The following FLT1 variants were observed in gnomAD, a reference collection of about 807,000 sequenced individuals.
FLT1 encodes vascular endothelial growth factor receptor 1.
A neutral mutation model predicts 156.3 loss-of-function variants in FLT1; 49 were observed. That is an observed-to-expected ratio of 0.31 (90% confidence interval 0.25 to 0.40). The LOEUF is 0.40. Among genes scored for constraint, FLT1 ranks in the 10% least tolerant of loss-of-function variants. FLT1 has a pLI of 1.00. For synonymous variants in FLT1, 594 were observed against 583.8 expected (o/e 1.02, Z -0.25); for missense variants, 1,322 against 1,637.2 (o/e 0.81, Z 3.32).
At chr13:28,423,601 G>A (rs1033288025) in intron 10 of FLT1, among the ~76,000 whole-genome samples, 4 of 152,168 alleles carry the variant, frequency 2.6e-5, no homozygotes, top group African/African-American at 9.7e-5. Context: ...TGCTAGCAAT[G>A]ATTACAACCT....
At chr13:28,438,453 C>T (rs1878156629) in intron 3 of FLT1, 108 bp from the exon 4 acceptor site, 1 of 835,100 alleles carries the variant, frequency 1.2e-6, no homozygotes, top group African/African-American at 1.7e-5. Context: ...TCACGTCATT[C>T]TCCCTTAATG....
intron 17 of FLT1, among the ~76,000 whole-genome samples, chr13:28,337,011 G>T (rs1872144616): frequency 6.6e-6 from 1 of 152,098 alleles, no homozygotes; most frequent in Non-Finnish European, 1.5e-5. Context: ...GCCTCCCAAA[G>T]CACTGAGATT....
At position 28,466,709 on chromosome 13, in the gene FLT1, T is replaced by C. The variant is rs191295327; in HGVS notation, c.388+194A>G. The C allele has an allele frequency of 3.0e-4, 200 of 677,068 alleles. 1 individual carries two copies. In the East Asian group the frequency reaches 5.3e-3, roughly 18 times the overall value. The allele number at this position is 677,068 out of a possible 1,614,324, so 41.9% of individuals were successfully genotyped here. A position where few individuals can be genotyped will look rare whatever the true frequency, so the allele number is the denominator to read the frequency against. Reference sequence around the variant, plus strand: ...CCAGTCTCTCTCTTTGTGGAGCACATAGTGACTAACTGGGCCTTGACAATT... The same window carrying C: ...CCAGTCTCTCTCTTTGTGGAGCACACAGTGACTAACTGGGCCTTGACAATT... On this transcript the variant is annotated intron_variant, in intron 3 of 29. Transcript: ENST00000282397.
chr13:28,487,524 GGCTGAGAAAAA>G (rs376173180), intron 1 of FLT1, among the ~76,000 whole-genome samples: 70 of 152,342 alleles, frequency 4.6e-4, no homozygotes, highest in South Asian at 1.7e-3. Context: ...TAGAAGACCA[GGCTGAGAAAAA>G]GTGCCTGTGA....
At chr13:28,490,067 G>A (rs141845721) in intron 1 of FLT1, among the ~76,000 whole-genome samples, 1 of 152,226 alleles carries the variant, frequency 6.6e-6, no homozygotes, top group Non-Finnish European at 1.5e-5. Context: ...GATGTTGTCT[G>A]TAGCAGGAAC....
intron 16 of FLT1, among the ~76,000 whole-genome samples, chr13:28,341,782 G>A (rs1232652771): frequency 1.3e-5 from 2 of 152,070 alleles, no homozygotes; most frequent in East Asian, 3.9e-4. Context: ...ATGATCTCTT[G>A]CTCTCATTCT....
chr13:28,311,584 T>C lies in FLT1; in HGVS notation c.3635+6A>G, dbSNP rs1566279531. The C allele has an allele frequency of 1.2e-6, 2 of 1,611,880 alleles. No homozygotes were observed. Among genetic ancestry groups the C allele is most frequent in the Non-Finnish European group, 1.7e-6 (2 of 1,178,790 alleles). ...TGTGATATAAAGTTTGAGAAAGAAATCTTACCTGACATCATCAGAGCTTCC... is the reference window on the plus strand; with the variant it reads ...TGTGATATAAAGTTTGAGAAAGAAACCTTACCTGACATCATCAGAGCTTCC... On this transcript the variant is annotated splice_donor_region_variant and intron_variant, in intron 27 of 29. Transcript: ENST00000282397.
At chr13:28,426,170 A>G (rs1877332031) in intron 10 of FLT1, among the ~76,000 whole-genome samples, 1 of 144,938 alleles carries the variant, frequency 6.9e-6, no homozygotes, top group African/African-American at 2.6e-5. Flanking sequence ...CCTCCTGAAC[A>G]CTCTGCAAGT....
chr13:28,492,721 A>T (rs1881536553), intron 1 of FLT1, among the ~76,000 whole-genome samples: 1 of 152,210 alleles, frequency 6.6e-6, no homozygotes, highest in South Asian at 2.1e-4. Context: ...CCGGATATGC[A>T]GCCTCTCAGT....
chr13:28,435,606 C>A (rs1254989689), intron 4 of FLT1, among the ~76,000 whole-genome samples: 1 of 152,200 alleles, frequency 6.6e-6, no homozygotes, highest in East Asian at 1.9e-4. Flanking sequence ...GTACACCTGG[C>A]ATCCCTCGCT....
intron 10 of FLT1, 49 bp downstream of exon 10, chr13:28,427,110 A>C (rs1877389018): frequency 6.6e-7 from 1 of 1,526,102 alleles, no homozygotes; most frequent in African/African-American, 1.4e-5. Context: ...TCTTAATTCC[A>C]GGTGTCAAAA....
At chr13:28,427,624 A>C in intron 9 of FLT1, 128 bp downstream of exon 9, 1 of 859,830 alleles carries the variant, frequency 1.2e-6, no homozygotes, top group Non-Finnish European at 2.0e-6. Context: ...CTTAACGTTA[A>C]GTGTTTTTTC....
chr13:28,344,014 A>G (rs796715980), intron 16 of FLT1, among the ~76,000 whole-genome samples: 1 of 146,034 alleles, frequency 6.8e-6, no homozygotes, highest in Admixed American at 7.6e-5. Flanking sequence ...CTTGCCCCCC[A>G]CCACCCGGGT....
At chr13:28,486,257 G>A (rs1195420356) in intron 1 of FLT1, among the ~76,000 whole-genome samples, 3 of 152,212 alleles carry the variant, frequency 2.0e-5, no homozygotes, top group Non-Finnish European at 4.4e-5. Flanking sequence ...TCCCAGGACC[G>A]TGGTTTCACA....
At chr13:28,304,373 T>C (rs1368341053) in intron 29 of FLT1, among the ~76,000 whole-genome samples, 1 of 152,180 alleles carries the variant, frequency 6.6e-6, no homozygotes, top group Admixed American at 6.5e-5. Context: ...GATGTTTGCC[T>C]GGAAATGCCC....
intron 11 of FLT1, chr13:28,398,926 A>G (rs905229417): frequency 8.2e-6 from 6 of 732,034 alleles, no homozygotes; most frequent in Non-Finnish European, 1.5e-5. Flanking sequence ...GGGAAAGTGT[A>G]CGAAAGAGAG....
chr13:28,322,849 C>G lies in FLT1; in HGVS notation c.2894G>C (p.Ser965Thr). 1 of 1,614,206 alleles carries G rather than the reference C, an allele frequency of 6.2e-7. No homozygotes were observed. The highest frequency in any genetic ancestry group is 8.5e-7 in the Non-Finnish European group (1 of 1,180,032). The change falls in exon 21 of 30, where the codon AGC (serine) becomes ACC (threonine). Residue 965 changes from serine to threonine, a missense_variant. Ser to Thr is a moderately conservative substitution (Grantham distance 58). Transcript: ENST00000282397. The surrounding 1 kb of genome is among the most constrained non-coding windows in gnomAD (Gnocchi z 4.3). ...TTCCTGAAAGCCGGAGCTCGCAAAGCTTTCGCTGCTGGTGACGCTATCTAG... is the reference window on the plus strand; with the variant it reads ...TTCCTGAAAGCCGGAGCTCGCAAAGGTTTCGCTGCTGGTGACGCTATCTAG... ...PRLDSVTSSE[S>T]FASSGFQEDK...
intron 15 of FLT1, among the ~76,000 whole-genome samples, chr13:28,352,231 C>A (rs1872754276): frequency 6.6e-6 from 1 of 152,204 alleles, no homozygotes. Context: ...GTCACTTAAC[C>A]TTTTTGAGCC....
chr13:28,348,534 T>C (rs1872636727), intron 15 of FLT1, among the ~76,000 whole-genome samples: 1 of 152,182 alleles, frequency 6.6e-6, no homozygotes, highest in Non-Finnish European at 1.5e-5. Flanking sequence ...CATAACTTAT[T>C]CACCCTACTC....
Sources: allele counts gnomAD v4.1 joint callset (sites outside exome capture counted in the v4.1 genomes callset), GRCh38; gene constraint gnomAD v4.1.1; non-coding constraint Gnocchi (gnomAD v3.1); transcripts MANE v1.5; gene names NCBI Gene and HGNC (gene_info 2026-07-23, HGNC 2026-07-21).